L3MBTL4: variants seen among roughly 807,000 people sequenced by gnomAD.
L3MBTL4 encodes the protein L3MBTL histone methyl-lysine binding protein 4.
A neutral mutation model predicts 84.5 loss-of-function variants in L3MBTL4; 70 were observed. The ratio of observed to expected loss-of-function variants is 0.83; its 90% CI spans 0.68 to 1.01. The LOEUF is 1.01. L3MBTL4 is among the 50% of genes least tolerant of loss of function. The pLI, the probability that L3MBTL4 is intolerant of heterozygous loss-of-function variation, is 0.00. For synonymous variants in L3MBTL4, 274 were observed against 259.8 expected (o/e 1.05, Z -0.52); for missense variants, 715 against 754.8 (o/e 0.95, Z 0.62).
In L3MBTL4 at chr18:6,311,568, G is replaced by C. The variant is rs775970140; in HGVS notation, c.58C>G (p.Gln20Glu). ...LNMDSKERLD[Q>E]DGRLEQAEEE... ...GGACATCTTACCAAGCGTCCGTCCT[G>C]ATCCAAACGCTCTTTGGAATCCATA... Residue 20 changes from glutamine (Q) to glutamate (E), a missense_variant, in exon 3 of 19, where the codon CAG becomes GAG. Transcript: ENST00000317931. The C allele has an allele frequency of 6.2e-7, 1 of 1,613,130 alleles. No individual in the cohort carries two copies. The highest frequency in any genetic ancestry group is 1.1e-5 in the South Asian group (1 of 91,032).
intron 14 of L3MBTL4, among the ~76,000 whole-genome samples, chr18:6,094,878 A>G (rs553317160): frequency 3.9e-5 from 6 of 152,276 alleles, no homozygotes; most frequent in African/African-American, 1.4e-4. Flanking sequence ...AGCATGATCT[A>G]TACCTGTATC....
chr18:5,984,744 T>A (rs1330402801), intron 16 of L3MBTL4, among the ~76,000 whole-genome samples: 1 of 152,256 alleles, frequency 6.6e-6, no homozygotes, highest in African/African-American at 2.4e-5. Flanking sequence ...CTAGAGTAAT[T>A]TTCATCCAGA....
intron 16 of L3MBTL4, among the ~76,000 whole-genome samples, chr18:5,991,523 T>C (rs2053698626): frequency 6.6e-6 from 1 of 152,176 alleles, no homozygotes; most frequent in Non-Finnish European, 1.5e-5. Flanking sequence ...TTGTCTACAC[T>C]AAAGCTGCTA....
intron 5 of L3MBTL4, among the ~76,000 whole-genome samples, chr18:6,252,453 T>C (rs1411214572): frequency 6.6e-6 from 1 of 152,048 alleles, no homozygotes; most frequent in Non-Finnish European, 1.5e-5. Flanking sequence ...TACATAAACA[T>C]GATTTACATA....
intron 14 of L3MBTL4, among the ~76,000 whole-genome samples, chr18:6,110,963 C>G (rs1450993714): frequency 2.0e-5 from 3 of 152,074 alleles, no homozygotes; most frequent in African/African-American, 2.4e-5. Flanking sequence ...TCCTTATACC[C>G]CTTTGTTCCC....
intron 12 of L3MBTL4, among the ~76,000 whole-genome samples, chr18:6,186,843 G>T (rs1362811386): frequency 1.3e-5 from 2 of 152,200 alleles, no homozygotes; most frequent in Admixed American, 6.5e-5. Context: ...GCAGATGTGG[G>T]GGCTGTGAGG....
At chr18:6,323,578 T>G (rs78380786) in intron 1 of L3MBTL4, among the ~76,000 whole-genome samples, 6,406 of 152,258 alleles carry the variant, frequency 0.042, 156 homozygotes, top group East Asian at 0.11. Flanking sequence ...ACTTTGAACT[T>G]GAGGTATGAC....
chr18:5,978,058 A>G (rs1350926494), intron 16 of L3MBTL4, among the ~76,000 whole-genome samples: 1 of 152,248 alleles, frequency 6.6e-6, no homozygotes, highest in African/African-American at 2.4e-5. Context: ...TGCTTAACAC[A>G]TAATGGGACT....
intron 1 of L3MBTL4, among the ~76,000 whole-genome samples, chr18:6,323,026 C>T (rs1330860685): frequency 6.6e-5 from 10 of 152,094 alleles, no homozygotes; most frequent in Non-Finnish European, 1.5e-4. Context: ...GTGTGTAGCA[C>T]CTCCCCATTC....
chr18:6,319,860 A>G (rs189705962), intron 1 of L3MBTL4, among the ~76,000 whole-genome samples: 7 of 152,220 alleles, frequency 4.6e-5, no homozygotes, highest in Non-Finnish European at 8.8e-5. Context: ...CTGCAAATCA[A>G]TATCCCTGAT....
intron 1 of L3MBTL4, among the ~76,000 whole-genome samples, chr18:6,365,821 T>A (rs1007488445): frequency 1.3e-5 from 2 of 152,246 alleles, no homozygotes; most frequent in African/African-American, 4.8e-5. Context: ...CATTAGAGTT[T>A]GCCCTAAGTC....
intron 9 of L3MBTL4, among the ~76,000 whole-genome samples, chr18:6,238,781 T>C (rs549937376): frequency 2.8e-4 from 43 of 152,098 alleles, no homozygotes; most frequent in Non-Finnish European, 5.3e-4. Flanking sequence ...TGCCTCTGAG[T>C]TCAAAGGAGA....
Position 6,138,190 on chromosome 18 carries a change from T to C in L3MBTL4, c.1199+4A>G. ...GGAAATAACTTAAATAAGAAAAATGTTACCTGTGATGTCCCGAATAACGTG... is the reference window on the plus strand; with the variant it reads ...GGAAATAACTTAAATAAGAAAAATGCTACCTGTGATGTCCCGAATAACGTG... On this transcript the variant is annotated splice_donor_region_variant and intron_variant, in intron 14 of 18. Coordinates refer to ENST00000317931, the MANE Select transcript of L3MBTL4 (RefSeq NM_001330559.2). The C allele has an allele frequency of 6.3e-7, 1 of 1,594,554 alleles. No individual in the cohort carries two copies. Among genetic ancestry groups the C allele is most frequent in the Non-Finnish European group, 8.6e-7 (1 of 1,164,682 alleles).
At chr18:6,212,459 T>A (rs1182051963) in intron 12 of L3MBTL4, among the ~76,000 whole-genome samples, 1 of 152,220 alleles carries the variant, frequency 6.6e-6, no homozygotes, top group Non-Finnish European at 1.5e-5. Flanking sequence ...ACTTTTGAGC[T>A]GTAATATGTT....
intron 10 of L3MBTL4, among the ~76,000 whole-genome samples, chr18:6,235,283 C>T (rs773859730): frequency 1.6e-4 from 24 of 152,104 alleles, no homozygotes; most frequent in Non-Finnish European, 2.2e-4. Context: ...CAAACCCGCA[C>T]ATTGTGCACA....
chr18:6,008,868 A>G (rs992210922), intron 16 of L3MBTL4, among the ~76,000 whole-genome samples: 2 of 152,198 alleles, frequency 1.3e-5, no homozygotes, highest in Non-Finnish European at 1.5e-5. Context: ...GTGTTGTCTG[A>G]CGGATTGACA....
intron 16 of L3MBTL4, among the ~76,000 whole-genome samples, chr18:6,015,506 C>T (rs974115831): frequency 2.6e-5 from 4 of 152,160 alleles, no homozygotes; most frequent in African/African-American, 9.7e-5. Flanking sequence ...TAGAACAACA[C>T]TTCCTTTATG....
intron 15 of L3MBTL4, 38 bp from the exon 16 acceptor site, chr18:6,080,989 C>T: frequency 1.4e-6 from 2 of 1,477,016 alleles, no homozygotes; most frequent in Non-Finnish European, 1.9e-6. Context: ...GATTCATTAT[C>T]CTGTGAGGTA....
intron 4 of L3MBTL4, among the ~76,000 whole-genome samples, chr18:6,291,373 A>C (rs1176339829): frequency 6.6e-6 from 1 of 152,168 alleles, no homozygotes; most frequent in Non-Finnish European, 1.5e-5. Flanking sequence ...CAACCACAAA[A>C]GACCCCAAAC....
Sources: gnomAD v4.1 joint callset for allele counts (sites outside exome capture counted in the v4.1 genomes callset) on GRCh38, gnomAD v4.1.1 for gene constraint, MANE v1.5 for transcripts, NCBI Gene and HGNC (gene_info 2026-07-23, HGNC 2026-07-21) for gene names.